Variants in IPO8 observed in about 807,000 individuals in gnomAD.
IPO8 encodes the protein importin 8.
IPO8 carries 65 observed loss-of-function variants against 141.2 expected under a neutral mutation model. That is an observed-to-expected ratio of 0.46 (90% CI 0.38 to 0.57). The LOEUF (loss-of-function observed/expected upper bound fraction) is 0.57, where lower values mean the gene tolerates loss of function less well. IPO8 is among the 20% of genes least tolerant of loss of function. The probability of loss-of-function intolerance (pLI) is 0.00; values close to 1 mark genes in which losing one functional copy is unlikely to be tolerated. For missense variants in IPO8, 980 were observed against 1,246.8 expected (o/e 0.79, Z 3.22); for synonymous variants, 411 against 420.3 (o/e 0.98, Z 0.27).
rs2052805443 is a variant in IPO8 at position 30,656,698 on chromosome 12, T to C, written c.1934A>G (p.Gln645Arg). The change falls in exon 17 of 25, where the codon CAG (glutamine) becomes CGG (arginine). Residue 645 changes from glutamine (Q) to arginine (R), a missense_variant. Gln to Arg is a conservative substitution (Grantham distance 43). Coordinates refer to ENST00000256079, the MANE Select transcript of IPO8 (RefSeq NM_006390.4). ...ICLRIIDLVL[Q>R]KHVIEFYEEI... ...TTTGAACTTACCAATTACATGTTTC[T>C]GCAGAACAAGATCAATGATCCGTAG... 1.3e-6 allele frequency: 2 copies of C among 1,559,442 alleles called. No individual in the cohort carries two copies. Among genetic ancestry groups the C allele is most frequent in the African/African-American group, 1.4e-5 (1 of 73,108 alleles).
chr12:30,669,734 C>T (rs1416957085), intron 9 of IPO8, among the ~76,000 whole-genome samples: 1 of 150,410 alleles, frequency 6.6e-6, no homozygotes, highest in Admixed American at 6.6e-5. Context: ...CCACTGCAGT[C>T]CAGCCTGTGC....
chr12:30,649,085 T>A, intron 20 of IPO8, 52 bp downstream of exon 20: 1 of 1,155,426 alleles, frequency 8.7e-7, no homozygotes, highest in South Asian at 1.3e-5. Flanking sequence ...CAAGCAGGCA[T>A]GTAAACTTCA....
intron 23 of IPO8, among the ~76,000 whole-genome samples, chr12:30,633,081 G>T (rs547936327): frequency 6.6e-6 from 1 of 152,116 alleles, no homozygotes; most frequent in Non-Finnish European, 1.5e-5. Context: ...CCATCTCCAC[G>T]TTTATGCTGT....
In IPO8 at chr12:30,695,503, C is replaced by T; in HGVS notation, c.84+61G>A. 6.7e-7 allele frequency: 1 copy of T among 1,497,018 alleles called. No individual in the cohort carries two copies. The highest frequency in any genetic ancestry group is 9.3e-7 in the Non-Finnish European group (1 of 1,077,894). 92.7% of individuals were successfully genotyped at this position (1,497,018 alleles called of 1,614,324 possible). ...ACGAGGGGCGCCGGGGAGAGGGAGCCCGGCCAGCCGGCAGGGGCGCCCCTT... is the reference window on the plus strand; with the variant it reads ...ACGAGGGGCGCCGGGGAGAGGGAGCTCGGCCAGCCGGCAGGGGCGCCCCTT... On this transcript the variant is annotated intron_variant, in intron 1 of 24. Transcript: ENST00000256079. This position sits in a 1 kb window ranked among gnomAD's most constrained non-coding sequence, Gnocchi z 4.2.
At chr12:30,632,083 T>C (rs2136121374) in intron 23 of IPO8, 72 bp from the exon 24 acceptor site, 2 of 967,780 alleles carry the variant, frequency 2.1e-6, no homozygotes, top group South Asian at 2.9e-5. Context: ...AGTAACATGA[T>C]CAAATTACAA....
At position 30,645,101 on chromosome 12, in the gene IPO8, C is replaced by T. The variant is rs147028283; in HGVS notation, c.2268+4036G>A. Among the ~76,000 whole-genome samples the T allele has an allele frequency of 9.5e-3, 1,448 of 151,882 alleles. 17 individuals are homozygous for T. Among genetic ancestry groups the T allele is most frequent in the African/African-American group, 0.033 (1,376 of 41,470 alleles). On this transcript the variant is annotated intron_variant, in intron 20 of 24. Transcript: ENST00000256079. ...TTGTAAAAGAGAACCAGGCCAGGTG[C>T]GGTGGCTCACGCCTGTAATCCCAGC...
chr12:30,676,773 T>G (rs2053126178), intron 5 of IPO8, 186 bp from the exon 6 acceptor site: 2 of 815,076 alleles, frequency 2.5e-6, no homozygotes, highest in South Asian at 3.2e-5. Flanking sequence ...ATTTTTAAAT[T>G]TAGAAGACTA....
intron 9 of IPO8, among the ~76,000 whole-genome samples, chr12:30,669,860 C>G (rs922034853): frequency 2.6e-5 from 4 of 152,154 alleles, no homozygotes; most frequent in Admixed American, 2.0e-4. Flanking sequence ...GTCCTATCTA[C>G]TAGCCTCTCT....
chr12:30,644,511 G>A (rs1258558590), intron 20 of IPO8, among the ~76,000 whole-genome samples: 1 of 152,018 alleles, frequency 6.6e-6, no homozygotes, highest in Non-Finnish European at 1.5e-5. Context: ...AGATTTTGGT[G>A]GTAAGTAAAG....
At chr12:30,689,678 T>C (rs1044587560) in intron 2 of IPO8, among the ~76,000 whole-genome samples, 8 of 152,244 alleles carry the variant, frequency 5.3e-5, no homozygotes, top group Middle Eastern at 3.2e-3. Context: ...TCTATCCTTC[T>C]ACGTGAACAC....
chr12:30,652,649 T>G (rs1473233147), intron 18 of IPO8, among the ~76,000 whole-genome samples: 1 of 152,100 alleles, frequency 6.6e-6, no homozygotes, highest in Non-Finnish European at 1.5e-5. Flanking sequence ...CTGTTTATTT[T>G]GCTCACTGCT....
intron 21 of IPO8, among the ~76,000 whole-genome samples, chr12:30,639,192 C>G (rs893840820): frequency 6.6e-6 from 1 of 152,080 alleles, no homozygotes; most frequent in African/African-American, 2.4e-5. Context: ...AATGTTTTTA[C>G]CCACTGACAC....
intron 22 of IPO8, among the ~76,000 whole-genome samples, chr12:30,635,737 T>C (rs2052492683): frequency 6.6e-6 from 1 of 152,120 alleles, no homozygotes; most frequent in Non-Finnish European, 1.5e-5. Context: ...TAGGTAGTTT[T>C]AGGAATAAGG....
At chr12:30,653,687 T>C (rs2052758178) in intron 17 of IPO8, among the ~76,000 whole-genome samples, 1 of 151,826 alleles carries the variant, frequency 6.6e-6, no homozygotes, top group Admixed American at 6.6e-5. Flanking sequence ...TTATCCTCAG[T>C]CAAAAGTAAA....
At chr12:30,658,747 G>C (rs188823774) in intron 16 of IPO8, among the ~76,000 whole-genome samples, 1 of 151,802 alleles carries the variant, frequency 6.6e-6, no homozygotes, top group East Asian at 1.9e-4. Context: ...ATTTAATTTG[G>C]AACATCTCAC....
intron 22 of IPO8, among the ~76,000 whole-genome samples, chr12:30,634,581 T>G (rs1278942108): frequency 6.6e-6 from 1 of 152,144 alleles, no homozygotes; most frequent in Non-Finnish European, 1.5e-5. Context: ...ACATTACTAC[T>G]GTTAGGCTAT....
intron 16 of IPO8, among the ~76,000 whole-genome samples, chr12:30,659,127 G>A (rs1051011114): frequency 5.9e-5 from 9 of 151,928 alleles, no homozygotes; most frequent in Admixed American, 2.0e-4. Flanking sequence ...TGATCCACCC[G>A]CCTCAGCCTC....
At chr12:30,664,434 A>G (rs1450494836) in intron 13 of IPO8, among the ~76,000 whole-genome samples, 5 of 152,242 alleles carry the variant, frequency 3.3e-5, no homozygotes, top group Non-Finnish European at 7.3e-5. Context: ...CTCTTGAATA[A>G]AAGTCCTGTT....
intron 22 of IPO8, among the ~76,000 whole-genome samples, chr12:30,636,142 A>T (rs1390472432): frequency 6.6e-6 from 1 of 152,140 alleles, no homozygotes; most frequent in Non-Finnish European, 1.5e-5. Flanking sequence ...GGGGAGAAAA[A>T]GGGTAGTTTA....
Sources: allele counts gnomAD v4.1 joint callset (sites outside exome capture counted in the v4.1 genomes callset), GRCh38; gene constraint gnomAD v4.1.1; non-coding constraint Gnocchi (gnomAD v3.1); transcripts MANE v1.5; gene names NCBI Gene and HGNC (gene_info 2026-07-23, HGNC 2026-07-21).